The following GREB1 variants were observed in gnomAD, a reference collection of about 807,000 sequenced individuals.
The protein encoded by GREB1 is protein GREB1.
In GREB1, 106 loss-of-function variants were observed where a neutral mutation model predicts 200.7. That is an observed-to-expected ratio of 0.53 (90% CI 0.45 to 0.62). The LOEUF is 0.62. GREB1 is among the 20% of genes least tolerant of loss of function. The pLI is 0.00. For synonymous variants in GREB1, 1,132 were observed against 1,092.4 expected, an observed-to-expected ratio of 1.04 and a Z score of -0.72; for missense variants, 2,243 against 2,556.8, an observed-to-expected ratio of 0.88 and a Z score of 2.65.
intron 4 of GREB1, among the ~76,000 whole-genome samples, chr2:11,567,565 G>A (rs752902517): frequency 1.7e-4 from 26 of 152,254 alleles, no homozygotes; most frequent in Non-Finnish European, 2.6e-4. Flanking sequence ...ACCATCCCAC[G>A]TGGTCTTGAC....
chr2:11,527,750 C>T (rs374528080), intron 1 of GREB1, among the ~76,000 whole-genome samples: 209 of 152,290 alleles, frequency 1.4e-3, no homozygotes, highest in African/African-American at 4.7e-3. Flanking sequence ...CAGGGTCCTA[C>T]GGGAAGACAG....
At chr2:11,625,440 C>A in intron 24 of GREB1, 128 bp downstream of exon 24, 1 of 832,550 alleles carries the variant, frequency 1.2e-6, no homozygotes, top group Non-Finnish European at 1.9e-6. Flanking sequence ...TAGTACAGAA[C>A]TGAGGTCACC....
chr2:11,514,005 C>T (rs1428509989), intron 1 of GREB1, among the ~76,000 whole-genome samples: 1 of 152,190 alleles, frequency 6.6e-6, no homozygotes. Flanking sequence ...GAAGATTAAT[C>T]TCCTACTCAC....
At chr2:11,592,351 AGAG>A (rs1417668137) in intron 10 of GREB1, among the ~76,000 whole-genome samples, 2 of 149,356 alleles carry the variant, frequency 1.3e-5, no homozygotes, top group Non-Finnish European at 2.9e-5. Context: ...TTTTTTAAAA[AGAG>A]GACAGAAAAA....
intron 32 of GREB1, 24 bp downstream of exon 32, chr2:11,638,833 G>C: frequency 6.2e-7 from 1 of 1,611,000 alleles, no homozygotes; most frequent in Non-Finnish European, 8.5e-7. Flanking sequence ...TCTTAACTCT[G>C]CACCTTGTCT....
chr2:11,626,547 C>T (rs1038727364), intron 24 of GREB1, among the ~76,000 whole-genome samples: 18 of 152,256 alleles, frequency 1.2e-4, no homozygotes, highest in Non-Finnish European at 2.5e-4. Context: ...GAGATTGTGC[C>T]ACTGTACTCC....
At chr2:11,587,520 G>A (rs1228000700) in intron 9 of GREB1, 2 of 1,568,232 alleles carry the variant, frequency 1.3e-6, no homozygotes, top group Middle Eastern at 1.7e-4. Flanking sequence ...GAAGCCCTGG[G>A]TGGCACCAGC....
chr2:11,531,597 G>A (rs1434771681), upstream of GREB1, among the ~76,000 whole-genome samples: 3 of 151,892 alleles, frequency 2.0e-5, no homozygotes, highest in Non-Finnish European at 2.9e-5. Flanking sequence ...TTGAGATAGA[G>A]TCTTGCTCTG....
At position 11,600,909 on chromosome 2, in the gene GREB1, G is replaced by A. The variant is rs779019620; in HGVS notation, c.2443G>A (p.Val815Met). 3.1e-6 allele frequency: 5 copies of A among 1,614,166 alleles called. No individual in the cohort carries two copies. The highest frequency in any genetic ancestry group is 2.7e-5 in the African/African-American group (2 of 75,024). ...KEAPNIVTLH[V>M]TSFPYALQTQ... ...GGCCCCCAACATTGTGACACTTCAC[G>A]TGACCTCCTTCCCGTATGCACTGCA... The change falls in exon 16 of 33, where the codon GTG (valine) becomes ATG (methionine). Residue 815 changes from valine to methionine, a missense_variant. Val to Met is a conservative substitution (Grantham distance 21). Coordinates refer to ENST00000381486, the MANE Select transcript of GREB1 (RefSeq NM_014668.4).
intron 1 of GREB1, among the ~76,000 whole-genome samples, chr2:11,518,175 C>A (rs1373098450): frequency 1.3e-5 from 2 of 152,172 alleles, no homozygotes; most frequent in Non-Finnish European, 2.9e-5. Flanking sequence ...GGACAACCTG[C>A]TGAGAGAACT....
chr2:11,633,116 G>A lies in GREB1; in HGVS notation c.4991+53G>A, dbSNP rs1454026776. On this transcript the variant is annotated intron_variant, in intron 28 of 32. Coordinates refer to ENST00000381486, the MANE Select transcript of GREB1 (RefSeq NM_014668.4). The surrounding 1 kb of genome is among the most constrained non-coding windows in gnomAD (Gnocchi z 4.1). Reference sequence around the variant, plus strand: ...TGCCACCCTACGAATGATGACCAACGAGTGTGCCCTCTTTGTATGGGGAAT... The same window carrying A: ...TGCCACCCTACGAATGATGACCAACAAGTGTGCCCTCTTTGTATGGGGAAT... The A allele has an allele frequency of 1.3e-5, 20 of 1,561,914 alleles. No homozygotes were observed. The South Asian group carries it at 1.3e-4, about 10-fold the overall frequency.
rs537917443 is a variant in GREB1, at chr2:11,566,470, C to T, written c.278-10C>T. 9.4e-6 allele frequency: 15 copies of T among 1,596,272 alleles called. No homozygotes were observed. The highest frequency in any genetic ancestry group is 9.0e-5 in the South Asian group (8 of 88,740). On this transcript the variant is annotated splice_polypyrimidine_tract_variant and intron_variant, in intron 3 of 32. Coordinates refer to ENST00000381486, the MANE Select transcript of GREB1 (RefSeq NM_014668.4). ...CTGGGCAGCGTGTGAACCCTGTCCA[C>T]CCCTCCTAGGGTTTTGCCAGGCCGG...
At chr2:11,511,412 A>G (rs1301543226) in intron 1 of GREB1, among the ~76,000 whole-genome samples, 2 of 152,192 alleles carry the variant, frequency 1.3e-5, no homozygotes, top group African/African-American at 4.8e-5. Context: ...GAGTAAGAAT[A>G]GAGCAGGGGA....
chr2:11,619,498 A>G (rs1249400605), intron 22 of GREB1, among the ~76,000 whole-genome samples: 1 of 152,226 alleles, frequency 6.6e-6, no homozygotes, highest in Non-Finnish European at 1.5e-5. Context: ...AACTTGTAGA[A>G]TGAACAATAT....
rs991812904 is a variant in GREB1, at chr2:11,610,192, T to C, written c.2667-496T>C. On this transcript the variant is annotated intron_variant, in intron 17 of 32. Transcript: ENST00000381486. ...TAGTCTGTCAAAATACGTTTAGTTATATTTCTAATAATTCACTGTGATCGA... is the reference window on the plus strand; with the variant it reads ...TAGTCTGTCAAAATACGTTTAGTTACATTTCTAATAATTCACTGTGATCGA... Among the ~76,000 whole-genome samples the C allele has an allele frequency of 3.3e-5, 5 of 152,360 alleles. 1 individual carries two copies. Among genetic ancestry groups the C allele is most frequent in the South Asian group, 2.1e-4 (1 of 4,824 alleles).
intron 1 of GREB1, among the ~76,000 whole-genome samples, chr2:11,554,165 C>A (rs1676208807): frequency 6.6e-6 from 1 of 152,258 alleles, no homozygotes; most frequent in East Asian, 1.9e-4. Flanking sequence ...TGTTAGGTTA[C>A]TCCGGCTGCT....
chr2:11,628,415 C>T (rs2148408600), intron 25 of GREB1, among the ~76,000 whole-genome samples: 1 of 152,286 alleles, frequency 6.6e-6, no homozygotes, highest in South Asian at 2.1e-4. Flanking sequence ...GAGCACTGGC[C>T]TCTCTTTCCA....
At chr2:11,625,459 G>A (rs1367427602) in intron 24 of GREB1, 147 bp downstream of exon 24, 14 of 728,896 alleles carry the variant, frequency 1.9e-5, no homozygotes, top group Non-Finnish European at 2.8e-5. Context: ...CCACCTCCCT[G>A]TATAAGGAAG....
Position 11,597,471 on chromosome 2 carries a change from A to G in GREB1, c.1955-310A>G, listed in dbSNP as rs890731121. 1.3e-5 allele frequency among the ~76,000 whole-genome samples: 2 copies of G among 151,440 alleles called. No homozygotes were observed. Among genetic ancestry groups the G allele is most frequent in the Non-Finnish European group, 2.9e-5 (2 of 67,888 alleles). ...TCTTCCAGAGTCCAGTCTCAGCATC[A>G]CCTCCCCTGGGATAGGCTCCTTGTC... On this transcript the variant is annotated intron_variant, in intron 13 of 32. Transcript: ENST00000381486. The surrounding 1 kb of genome is among the most constrained non-coding windows in gnomAD (Gnocchi z 4.1).
Sources: allele counts gnomAD v4.1 joint callset (sites outside exome capture counted in the v4.1 genomes callset), GRCh38; gene constraint gnomAD v4.1.1; non-coding constraint Gnocchi (gnomAD v3.1); transcripts MANE v1.5; gene names NCBI Gene and HGNC (gene_info 2026-07-23, HGNC 2026-07-21).